KIF26B: variants seen among roughly 807,000 people sequenced by gnomAD.
KIF26B encodes the protein kinesin family member 26B.
Under a neutral mutation model 151.2 loss-of-function variants are expected in KIF26B, and 63 were observed. The ratio of observed to expected loss-of-function variants is 0.42; its 90% confidence interval spans 0.34 to 0.51. KIF26B has a LOEUF of 0.51. Ranked by LOEUF, KIF26B falls within the 20% of genes least tolerant of loss-of-function variation. The pLI is 0.07. For synonymous variants in KIF26B, 1,357 were observed against 1,262.1 expected (o/e 1.08, Z -1.59); for missense variants, 2,813 against 2,913.6 (o/e 0.97, Z 0.79).
At chr1:245,266,660 C>T (rs992105485) in intron 2 of KIF26B, among the ~76,000 whole-genome samples, 2 of 152,132 alleles carry the variant, frequency 1.3e-5, no homozygotes, top group Non-Finnish European at 2.9e-5. Flanking sequence ...GCGCCTACCA[C>T]CACGCCCGGC....
chr1:245,320,507 G>T (rs1671867284), intron 2 of KIF26B, among the ~76,000 whole-genome samples: 1 of 152,064 alleles, frequency 6.6e-6, no homozygotes. Context: ...TTATGTTAGG[G>T]TTCACTCTTT....
chr1:245,212,205 C>T (rs1669550992), intron 2 of KIF26B, among the ~76,000 whole-genome samples: 1 of 152,168 alleles, frequency 6.6e-6, no homozygotes, highest in African/African-American at 2.4e-5. Context: ...AAGCAATTTC[C>T]CATAATTCCA....
chr1:245,567,598 G>A (rs2043022304), intron 5 of KIF26B, among the ~76,000 whole-genome samples: 2 of 152,130 alleles, frequency 1.3e-5, no homozygotes, highest in Non-Finnish European at 2.9e-5. Context: ...ACCCATGGCA[G>A]GAATACAGGC....
chr1:245,442,575 G>A (rs533549124), intron 4 of KIF26B, among the ~76,000 whole-genome samples: 6 of 152,160 alleles, frequency 3.9e-5, no homozygotes, highest in African/African-American at 9.7e-5. Context: ...GGTGGACAGC[G>A]GCTTTTAGCT....
At chr1:245,325,110 A>G (rs1408858250) in intron 2 of KIF26B, among the ~76,000 whole-genome samples, 3 of 131,958 alleles carry the variant, frequency 2.3e-5, no homozygotes, top group African/African-American at 9.0e-5. Flanking sequence ...AAAAAAAAAA[A>G]AGAAAAAAAG....
intron 4 of KIF26B, among the ~76,000 whole-genome samples, chr1:245,521,642 T>C (rs1297069154): frequency 6.6e-6 from 1 of 152,168 alleles, no homozygotes; most frequent in Non-Finnish European, 1.5e-5. Flanking sequence ...CAAGGCTTAC[T>C]TCTTCAGTGG....
intron 2 of KIF26B, among the ~76,000 whole-genome samples, chr1:245,280,777 C>T (rs1191918044): frequency 8.5e-6 from 1 of 117,092 alleles, no homozygotes; most frequent in Admixed American, 9.1e-5. Context: ...ACAACAGTCC[C>T]CAGAGTGTGA....
At chr1:245,240,972 C>T (rs1670202817) in intron 2 of KIF26B, among the ~76,000 whole-genome samples, 1 of 152,160 alleles carries the variant, frequency 6.6e-6, no homozygotes, top group African/African-American at 2.4e-5. Flanking sequence ...AGGTCCCTGC[C>T]CCCAGAGTCC....
chr1:245,415,590 T>C (rs1041329119), intron 3 of KIF26B, among the ~76,000 whole-genome samples: 1 of 152,064 alleles, frequency 6.6e-6, no homozygotes. Flanking sequence ...ATGGATATGA[T>C]TGTAATTGTT....
At chr1:245,545,056 C>T (rs1160155486) in intron 5 of KIF26B, among the ~76,000 whole-genome samples, 2 of 151,986 alleles carry the variant, frequency 1.3e-5, no homozygotes, top group African/African-American at 2.4e-5. Context: ...CACACACAAA[C>T]CATCTCAGGA....
chr1:245,571,303 T>C (rs1017568580), intron 5 of KIF26B, among the ~76,000 whole-genome samples: 4 of 152,220 alleles, frequency 2.6e-5, no homozygotes, highest in African/African-American at 9.6e-5. Flanking sequence ...CCTATGTTTT[T>C]AATCACAATA....
intron 2 of KIF26B, among the ~76,000 whole-genome samples, chr1:245,216,510 A>G (rs1669649776): frequency 6.6e-6 from 1 of 152,102 alleles, no homozygotes; most frequent in African/African-American, 2.4e-5. Context: ...AAGGCAAAAC[A>G]TTTCATTTAT....
chr1:245,691,664 AC>A (rs1405439955), intron 12 of KIF26B, among the ~76,000 whole-genome samples: 1 of 152,336 alleles, frequency 6.6e-6, no homozygotes, highest in African/African-American at 2.4e-5. Flanking sequence ...GGTGTTTGGA[AC>A]CAGAGAGGAG....
At chr1:245,461,453 T>C (rs957261253) in intron 4 of KIF26B, among the ~76,000 whole-genome samples, 9 of 152,066 alleles carry the variant, frequency 5.9e-5, no homozygotes, top group African/African-American at 1.9e-4. Flanking sequence ...TTCCCAATCT[T>C]ATAACTAATT....
At chr1:245,550,464 C>T (rs192606797) in intron 5 of KIF26B, among the ~76,000 whole-genome samples, 2 of 152,252 alleles carry the variant, frequency 1.3e-5, no homozygotes, top group African/African-American at 4.8e-5. Flanking sequence ...TCCTCACCAG[C>T]ACCCTGCTGT....
chr1:245,358,380 C>T lies in KIF26B; in HGVS notation c.466-8454C>T, dbSNP rs1057413832. On this transcript the variant is annotated intron_variant, in intron 2 of 14. Coordinates refer to ENST00000407071, the MANE Select transcript of KIF26B (RefSeq NM_018012.4). The surrounding 1 kb of genome is among the most constrained non-coding windows in gnomAD (Gnocchi z 4.1). ...ATAAAAATACAAAATATTAGCCAGG[C>T]GTGGTGATGGGTGCCTGTAGTCCCA... 7.2e-5 allele frequency among the ~76,000 whole-genome samples: 11 copies of T among 152,156 alleles called. No homozygotes were observed. The highest frequency in any genetic ancestry group is 2.1e-4 in the South Asian group (1 of 4,810).
At chr1:245,395,125 A>G (rs915868796) in intron 3 of KIF26B, among the ~76,000 whole-genome samples, 6 of 152,198 alleles carry the variant, frequency 3.9e-5, no homozygotes, top group African/African-American at 1.4e-4. Flanking sequence ...GTTCAAAAGT[A>G]AGCAGTTTGA....
chr1:245,642,919 A>G (rs976046072), intron 9 of KIF26B, among the ~76,000 whole-genome samples: 2 of 152,180 alleles, frequency 1.3e-5, no homozygotes, highest in African/African-American at 4.8e-5. Context: ...CCAGGAGGAC[A>G]CTGCATCAAT....
chr1:245,298,932 T>C (rs1671381283), intron 2 of KIF26B, among the ~76,000 whole-genome samples: 1 of 152,104 alleles, frequency 6.6e-6, no homozygotes, highest in Non-Finnish European at 1.5e-5. Context: ...CACAGTTGAT[T>C]GGGTAAGGAG....
Sources: allele counts gnomAD v4.1 joint callset (sites outside exome capture counted in the v4.1 genomes callset), GRCh38; gene constraint gnomAD v4.1.1; non-coding constraint Gnocchi (gnomAD v3.1); transcripts MANE v1.5; gene names NCBI Gene and HGNC (gene_info 2026-07-23, HGNC 2026-07-21).